ATXN1: variants seen among roughly 807,000 people sequenced by gnomAD.
ATXN1 encodes ataxin-1.
In ATXN1, 8 loss-of-function variants were observed where a neutral mutation model predicts 56.4. The observed-to-expected ratio is 0.14, with a 90% CI of 0.08 to 0.26. ATXN1 has a LOEUF of 0.26. Among genes scored for constraint, ATXN1 ranks in the 10% least tolerant of loss-of-function variants. The pLI, the probability that ATXN1 is intolerant of heterozygous loss-of-function variation, is 1.00. For missense variants in ATXN1, 987 were observed against 1,106.5 expected (o/e 0.89, Z 1.53); for synonymous variants, 514 against 494.6 (o/e 1.04, Z -0.52).
Position 16,301,171 on chromosome 6 carries a change from C to A in ATXN1, c.*5158G>T, listed in dbSNP as rs937207288. The A allele has an allele frequency of 1.3e-5, 2 of 151,982 alleles. No homozygotes were observed. Among genetic ancestry groups the A allele is most frequent in the Non-Finnish European group, 1.5e-5 (1 of 67,954 alleles). 9.4% of individuals were successfully genotyped at this position (151,982 alleles called of 1,614,324 possible). A position where few individuals can be genotyped will look rare whatever the true frequency, so the allele number is the denominator to read the frequency against. ...ACACTGAATGAATCATTTCGACATT[C>A]ATTTTTCTTTTGTGCAATTTTTTAA... is the stretch of plus-strand genomic sequence containing the variant. On this transcript the variant is annotated 3_prime_UTR_variant, in exon 8 of 8. Transcript: ENST00000436367.
intron 2 of ATXN1, among the ~76,000 whole-genome samples, chr6:16,668,421 G>T (rs1198969762): frequency 7.0e-6 from 1 of 143,646 alleles, no homozygotes; most frequent in African/African-American, 2.6e-5. Flanking sequence ...TGTTTTTAAC[G>T]TTGATTTTAT....
At chr6:16,562,433 G>A (rs1465675033) in intron 4 of ATXN1, among the ~76,000 whole-genome samples, 2 of 80,426 alleles carry the variant, frequency 2.5e-5, no homozygotes, top group South Asian at 3.8e-4. Context: ...AGGGGAAGGA[G>A]AAGAAAAGAA....
intron 3 of ATXN1, among the ~76,000 whole-genome samples, chr6:16,639,798 A>T (rs1245516211): frequency 1.3e-5 from 2 of 152,210 alleles, no homozygotes; most frequent in Non-Finnish European, 1.5e-5. Context: ...CCTCTACTAC[A>T]ATTTCATTGC....
intron 6 of ATXN1, among the ~76,000 whole-genome samples, chr6:16,453,485 G>A (rs12174561): frequency 0.067 from 10,135 of 151,768 alleles, 614 homozygotes; most frequent in East Asian, 0.27. Flanking sequence ...ATAAAGAGGG[G>A]GTAAAAAACC....
intron 7 of ATXN1, among the ~76,000 whole-genome samples, chr6:16,308,418 G>T (rs1242693679): frequency 6.6e-6 from 1 of 152,074 alleles, no homozygotes; most frequent in Non-Finnish European, 1.5e-5. Flanking sequence ...GGTGAAGCTG[G>T]TGTTGGGGGC....
chr6:16,484,410 G>A (rs1007309100), intron 6 of ATXN1, among the ~76,000 whole-genome samples: 7 of 152,114 alleles, frequency 4.6e-5, no homozygotes, highest in African/African-American at 1.7e-4. Flanking sequence ...CTCCAGCCTG[G>A]GTGACAGAGT....
intron 6 of ATXN1, among the ~76,000 whole-genome samples, chr6:16,373,979 T>C (rs1186910704): frequency 6.6e-6 from 1 of 152,170 alleles, no homozygotes; most frequent in Non-Finnish European, 1.5e-5. Flanking sequence ...ACATGTTATA[T>C]CAATGTTCTG....
intron 6 of ATXN1, among the ~76,000 whole-genome samples, chr6:16,392,831 G>T (rs1304426208): frequency 6.6e-6 from 1 of 152,142 alleles, no homozygotes. Context: ...ACAAGACAGT[G>T]GTTCTCAAAG....
intron 3 of ATXN1, among the ~76,000 whole-genome samples, chr6:16,655,258 T>C (rs753317816): frequency 2.6e-5 from 4 of 152,206 alleles, no homozygotes; most frequent in Admixed American, 6.5e-5. Flanking sequence ...CAGTGGTGCA[T>C]GCCTGTAATC....
chr6:16,464,367 A>C (rs1760059429), intron 6 of ATXN1, among the ~76,000 whole-genome samples: 1 of 152,218 alleles, frequency 6.6e-6, no homozygotes, highest in South Asian at 2.1e-4. Flanking sequence ...GCACTCTGAC[A>C]GAACAGAAAT....
chr6:16,299,161 C>T lies in ATXN1; in HGVS notation c.*7168G>A, dbSNP rs150423599. On this transcript the variant is annotated 3_prime_UTR_variant, in exon 8 of 8. Coordinates refer to ENST00000436367, the MANE Select transcript of ATXN1 (RefSeq NM_001128164.2). ...AGTACGAGTATACTGAAACAATAAA[C>T]TTGTACTGGTATACAGACAATTTAT... is the stretch of plus-strand genomic sequence containing the variant. The T allele has an allele frequency of 2.0e-5, 3 of 152,722 alleles. No individual in the cohort carries two copies. The highest frequency in any genetic ancestry group is 2.0e-4 in the Admixed American group (3 of 15,294). The allele number at this position is 152,722 out of a possible 1,614,324, so 9.5% of individuals were successfully genotyped here.
At position 16,410,812 on chromosome 6, in the gene ATXN1, G is replaced by A. The variant is rs138621697; in HGVS notation, c.-161+75160C>T. 0.022 allele frequency among the ~76,000 whole-genome samples: 3,362 copies of A among 152,180 alleles called. 54 individuals are homozygous for A. The highest frequency in any genetic ancestry group is 0.036 in the Non-Finnish European group (2,432 of 68,014). ...AGCAGTACGTATTTTGAATGAGAAC[G>A]GCCAGTGCTAAAGATGGAAAATAGG... On this transcript the variant is annotated intron_variant, in intron 6 of 7. Transcript: ENST00000436367. This position sits in a 1 kb window ranked among gnomAD's most constrained non-coding sequence, Gnocchi z 4.6.
Position 16,306,755 on chromosome 6 carries a change from G to C in ATXN1, c.2022C>G (p.Ser674=), listed in dbSNP as rs1760262063. 1 of 1,614,106 alleles carries C rather than the reference G, an allele frequency of 6.2e-7. No individual in the cohort carries two copies. Among genetic ancestry groups the C allele is most frequent in the East Asian group, 2.2e-5 (1 of 44,888 alleles). Reference sequence around the variant, plus strand: ...TGCAGACATCCCCAACTGAGAGTTTGGAACACGGCAAATCAAAGAGCTGGC... The same window carrying C: ...TGCAGACATCCCCAACTGAGAGTTTCGAACACGGCAAATCAAAGAGCTGGC... ...RTSQLFDLPC[S]KLSVGDVCIS... is the part of the protein sequence containing the mutation. Residue 674 remains serine, a synonymous_variant, in exon 8 of 8, where the codon TCC becomes TCG. Transcript: ENST00000436367. The surrounding 1 kb of genome is among the most constrained non-coding windows in gnomAD (Gnocchi z 5.2).
At chr6:16,411,141 A>AG (rs1554144609) in intron 6 of ATXN1, among the ~76,000 whole-genome samples, 30 of 150,700 alleles carry the variant, frequency 2.0e-4, no homozygotes, top group African/African-American at 5.4e-4. Flanking sequence ...AAAAAAAAAA[A>AG]AAAAGAAAAG....
intron 4 of ATXN1, among the ~76,000 whole-genome samples, chr6:16,578,391 G>A (rs1167006643): frequency 1.3e-5 from 2 of 152,092 alleles, no homozygotes; most frequent in East Asian, 1.9e-4. Flanking sequence ...CGACTTCCAC[G>A]CTCATATCCT....
At chr6:16,559,198 A>G (rs1762069959) in intron 4 of ATXN1, among the ~76,000 whole-genome samples, 2 of 152,168 alleles carry the variant, frequency 1.3e-5, no homozygotes, top group African/African-American at 4.8e-5. Context: ...CGAATGCCAA[A>G]TTGGAGGGCA....
intron 4 of ATXN1, among the ~76,000 whole-genome samples, chr6:16,574,996 A>AT (rs60930957): frequency 9.6e-4 from 145 of 151,402 alleles, no homozygotes; most frequent in African/African-American, 3.2e-3. Context: ...TGAGTTTGCT[A>AT]TTTTTTTCTT....
chr6:16,410,063 G>A lies in ATXN1; in HGVS notation c.-161+75909C>T, dbSNP rs796969900. Among the ~76,000 whole-genome samples the A allele has an allele frequency of 5.3e-5, 8 of 152,342 alleles. No individual in the cohort carries two copies. Among genetic ancestry groups the A allele is most frequent in the African/African-American group, 1.9e-4 (8 of 41,580 alleles). ...ATCACCAGACGTGCATGGAGAGCATGAGCTGAACGACCGTCGTGATAGGCT... is the reference window on the plus strand; with the variant it reads ...ATCACCAGACGTGCATGGAGAGCATAAGCTGAACGACCGTCGTGATAGGCT... On this transcript the variant is annotated intron_variant, in intron 6 of 7. Transcript: ENST00000436367. This position sits in a 1 kb window ranked among gnomAD's most constrained non-coding sequence, Gnocchi z 4.6.
intron 3 of ATXN1, among the ~76,000 whole-genome samples, chr6:16,643,072 C>T (rs1439122738): frequency 6.6e-6 from 1 of 151,994 alleles, no homozygotes; most frequent in African/African-American, 2.4e-5. Context: ...GAGTTCGAGA[C>T]CAGCCTCACC....
Sources: gnomAD v4.1 joint callset for allele counts (sites outside exome capture counted in the v4.1 genomes callset) on GRCh38, gnomAD v4.1.1 for gene constraint, Gnocchi (gnomAD v3.1) non-coding constraint, MANE v1.5 for transcripts, NCBI Gene and HGNC (gene_info 2026-07-23, HGNC 2026-07-21) for gene names.